The following LAMA2 variants were observed in gnomAD, a reference collection of about 807,000 sequenced individuals.
The protein encoded by LAMA2 is laminin subunit alpha-2.
LAMA2 carries 269 observed loss-of-function variants against 364.8 expected under a neutral mutation model. The ratio of observed to expected loss-of-function variants is 0.74; its 90% confidence interval spans 0.67 to 0.82. The LOEUF is 0.82. LAMA2 is among the 40% of genes least tolerant of loss of function. LAMA2 has a pLI of 0.00. For missense variants in LAMA2, 3,807 were observed against 3,873.2 expected (o/e 0.98, Z 0.45); for synonymous variants, 1,379 against 1,370.6 (o/e 1.01, Z -0.14).
rs1414137393 is a variant in LAMA2, at chr6:129,157,917, A to G, written c.1206+3234A>G. The G allele has an allele frequency of 3.1e-6, 5 of 1,614,178 alleles. No homozygotes were observed. In the East Asian group the frequency reaches 8.9e-5, roughly 29 times the overall value. On this transcript the variant is annotated intron_variant, in intron 8 of 64. Coordinates refer to ENST00000421865, the MANE Select transcript of LAMA2 (RefSeq NM_000426.4). ...TGGAGCCAGGTAGCGTTTGGTGCCCACCCTGGTATTCAAGGGCACATCAAC... is the reference window on the plus strand; with the variant it reads ...TGGAGCCAGGTAGCGTTTGGTGCCCGCCCTGGTATTCAAGGGCACATCAAC...
chr6:129,229,383 A>G (rs1468601526), intron 12 of LAMA2, among the ~76,000 whole-genome samples: 1 of 152,202 alleles, frequency 6.6e-6, no homozygotes, highest in Non-Finnish European at 1.5e-5. Flanking sequence ...TAAGATATGA[A>G]TGTGGCTGGC....
chr6:129,360,247 T>C (rs890900619), intron 32 of LAMA2, among the ~76,000 whole-genome samples: 1 of 152,174 alleles, frequency 6.6e-6, no homozygotes, highest in Non-Finnish European at 1.5e-5. Context: ...TTACAGAATG[T>C]GAATATTCCA....
At chr6:129,169,997 T>C (rs1191994130) in intron 9 of LAMA2, among the ~76,000 whole-genome samples, 4 of 151,440 alleles carry the variant, frequency 2.6e-5, no homozygotes, top group African/African-American at 9.8e-5. Context: ...TTCTGTGGGA[T>C]CCGTGGTGAT....
chr6:129,332,884 T>A (rs959667567), intron 29 of LAMA2, among the ~76,000 whole-genome samples: 3 of 1,890 alleles, frequency 1.6e-3, no homozygotes, highest in Non-Finnish European at 3.0e-3. Context: ...AAGTTTACCA[T>A]TTTTTTTTTT....
At chr6:129,219,242 G>A (rs1783630232) in intron 12 of LAMA2, among the ~76,000 whole-genome samples, 2 of 152,074 alleles carry the variant, frequency 1.3e-5, no homozygotes, top group Non-Finnish European at 2.9e-5. Context: ...ACCATCACTG[G>A]CCATCAGAGA....
chr6:129,098,072 A>C (rs1031849394), intron 3 of LAMA2, 101 bp from the exon 4 acceptor site: 2 of 1,234,018 alleles, frequency 1.6e-6, no homozygotes, highest in Admixed American at 1.7e-5. Flanking sequence ...ATAGAATAAA[A>C]TCTGAAATAA....
At chr6:128,986,762 A>G (rs1197485496) in intron 1 of LAMA2, among the ~76,000 whole-genome samples, 1 of 152,134 alleles carries the variant, frequency 6.6e-6, no homozygotes, top group African/African-American at 2.4e-5. Context: ...AAATTATTTT[A>G]TGGTTAAGCC....
intron 1 of LAMA2, among the ~76,000 whole-genome samples, chr6:128,973,512 G>A (rs1782329547): frequency 1.3e-5 from 2 of 152,058 alleles, no homozygotes; most frequent in African/African-American, 4.8e-5. Flanking sequence ...AAACTCTACT[G>A]GTGATTAAAA....
chr6:129,494,617 G>T (rs1785060312), intron 58 of LAMA2, among the ~76,000 whole-genome samples: 1 of 152,096 alleles, frequency 6.6e-6, no homozygotes, highest in African/African-American at 2.4e-5. Flanking sequence ...ATTGCCAGAA[G>T]TATTATATTT....
At chr6:129,146,380 A>G (rs1399520816) in intron 5 of LAMA2, among the ~76,000 whole-genome samples, 2 of 152,036 alleles carry the variant, frequency 1.3e-5, no homozygotes, top group Admixed American at 1.3e-4. Flanking sequence ...ATACAAAGGT[A>G]ATTGTATGGA....
At chr6:129,397,872 G>T (rs1779744345) in intron 37 of LAMA2, among the ~76,000 whole-genome samples, 1 of 149,824 alleles carries the variant, frequency 6.7e-6, no homozygotes, top group Non-Finnish European at 1.5e-5. Context: ...GGGAGGCAGA[G>T]CTTGCAGTGA....
intron 52 of LAMA2, among the ~76,000 whole-genome samples, chr6:129,473,849 AT>A (rs1008100252): frequency 1.7e-4 from 26 of 151,320 alleles, no homozygotes; most frequent in Admixed American, 3.3e-4. Context: ...CCATGCCAAC[AT>A]TTTTTTTTAA....
At chr6:129,171,701 C>T (rs1246390069) in intron 9 of LAMA2, among the ~76,000 whole-genome samples, 3 of 129,314 alleles carry the variant, frequency 2.3e-5, no homozygotes, top group African/African-American at 6.1e-5. Context: ...CTCTGTATTT[C>T]CTGAATCTGA....
intron 51 of LAMA2, among the ~76,000 whole-genome samples, chr6:129,466,501 G>A (rs1199653211): frequency 6.6e-6 from 1 of 151,924 alleles, no homozygotes; most frequent in African/African-American, 2.4e-5. Context: ...CCTCTCATAT[G>A]GGACAAAAAC....
intron 28 of LAMA2, among the ~76,000 whole-genome samples, chr6:129,322,670 G>T (rs1354908396): frequency 1.3e-5 from 2 of 152,122 alleles, no homozygotes; most frequent in Non-Finnish European, 2.9e-5. Flanking sequence ...TAGATATCTT[G>T]AAGAGAAGGT....
At chr6:129,453,214 T>C in intron 46 of LAMA2, 83 bp downstream of exon 46, 8 of 1,276,830 alleles carry the variant, frequency 6.3e-6, no homozygotes, top group African/African-American at 1.5e-5. Context: ...AATCCCCAAA[T>C]GTATATGGTC....
At chr6:129,283,296 C>T (rs1348267380) in intron 18 of LAMA2, among the ~76,000 whole-genome samples, 4 of 152,008 alleles carry the variant, frequency 2.6e-5, no homozygotes, top group Non-Finnish European at 4.4e-5. Context: ...ATATCAAGAG[C>T]AATTAAAAAG....
intron 34 of LAMA2, among the ~76,000 whole-genome samples, chr6:129,372,458 A>AT (rs1778142933): frequency 6.6e-6 from 1 of 151,966 alleles, no homozygotes; most frequent in Non-Finnish European, 1.5e-5. Flanking sequence ...GTTTCTCCAT[A>AT]TTTTTTCATG....
Position 129,443,075 on chromosome 6 carries a change from A to G in LAMA2, c.6274+7A>G, listed in dbSNP as rs375066460. On this transcript the variant is annotated splice_region_variant and intron_variant, in intron 44 of 64. Coordinates refer to ENST00000421865, the MANE Select transcript of LAMA2 (RefSeq NM_000426.4). ...AAATTGCCTGCAGAAATCAGTACGT[A>G]TATGTTTACTTATATACCTTTTAGT... is the stretch of plus-strand genomic sequence containing the variant. 12 of 1,593,552 alleles carry G rather than the reference A, an allele frequency of 7.5e-6. No homozygotes were observed. The highest frequency in any genetic ancestry group is 3.4e-5 in the Admixed American group (2 of 58,944).
Sources: allele counts gnomAD v4.1 joint callset (sites outside exome capture counted in the v4.1 genomes callset), GRCh38; gene constraint gnomAD v4.1.1; transcripts MANE v1.5; gene names NCBI Gene and HGNC (gene_info 2026-07-23, HGNC 2026-07-21).